CNTRL: variants seen among roughly 807,000 people sequenced by gnomAD.
CNTRL encodes the protein centriolin.
CNTRL carries 233 observed loss-of-function variants against 303.7 expected under a neutral mutation model. The ratio of observed to expected loss-of-function variants is 0.77; its 90% CI spans 0.69 to 0.86. The LOEUF (loss-of-function observed/expected upper bound fraction) is 0.86, where lower values mean the gene tolerates loss of function less well. Ranked by LOEUF, CNTRL falls within the 40% of genes least tolerant of loss-of-function variation. CNTRL has a pLI of 0.00. For synonymous variants in CNTRL, 900 were observed against 922.2 expected (o/e 0.98, Z 0.44); for missense variants, 2,524 against 2,650.6 (o/e 0.95, Z 1.05).
chr9:121,129,256 A>C (rs1490298842), intron 14 of CNTRL, among the ~76,000 whole-genome samples: 1 of 152,142 alleles, frequency 6.6e-6, no homozygotes, highest in Non-Finnish European at 1.5e-5. Flanking sequence ...CACGGTATTG[A>C]TTCTTCCTAC....
chr9:121,138,507 G>GT (rs747704464), intron 15 of CNTRL, 38 bp from the exon 16 acceptor site: 231 of 1,596,056 alleles, frequency 1.4e-4, no homozygotes, highest in Non-Finnish European at 1.6e-4. Flanking sequence ...AATTATTGCT[G>GT]TTTTACACTT....
intron 19 of CNTRL, 137 bp downstream of exon 19, chr9:121,142,407 A>C (rs944714053): frequency 9.8e-6 from 6 of 610,996 alleles, no homozygotes; most frequent in African/African-American, 1.9e-5. Context: ...AACCTGACCT[A>C]GGTGGGACCT....
chr9:121,133,818 A>AT (rs1286385707), intron 14 of CNTRL, among the ~76,000 whole-genome samples: 4 of 151,972 alleles, frequency 2.6e-5, no homozygotes, highest in Non-Finnish European at 4.4e-5. Context: ...TTTTATACAG[A>AT]TTTTTTTTCC....
intron 31 of CNTRL, among the ~76,000 whole-genome samples, 193 bp downstream of exon 31, chr9:121,159,212 G>T (rs1261272248): frequency 6.6e-6 from 1 of 151,924 alleles, no homozygotes; most frequent in East Asian, 1.9e-4. Context: ...TTGTTTTCTG[G>T]ATATGCTCAA....
chr9:121,156,188 GTTA>G (rs1429105973), intron 27 of CNTRL, among the ~76,000 whole-genome samples: 1 of 151,590 alleles, frequency 6.6e-6, no homozygotes, highest in Non-Finnish European at 1.5e-5. Context: ...GTATATTTTG[GTTA>G]TATATTAATA....
chr9:121,148,604 T>G (rs1037954703), intron 23 of CNTRL, 68 bp from the exon 24 acceptor site: 2 of 1,435,174 alleles, frequency 1.4e-6, no homozygotes, highest in Middle Eastern at 1.9e-4. Flanking sequence ...TGCTGTAGAC[T>G]TTGACGTTTC....
chr9:121,075,201 T>C (rs2047866371), intron 1 of CNTRL, 134 bp downstream of exon 1: 1 of 333,398 alleles, frequency 3.0e-6, no homozygotes, highest in African/African-American at 2.3e-5. Flanking sequence ...GGGGCGCGTG[T>C]CTGGGAATTG....
In CNTRL at chr9:121,175,018, G is replaced by A. The variant is rs1317469000; in HGVS notation, c.6748G>A (p.Ala2250Thr). 1 of 1,613,374 alleles carries A rather than the reference G, an allele frequency of 6.2e-7. No individual in the cohort carries two copies. The highest frequency in any genetic ancestry group is 1.1e-5 in the South Asian group (1 of 90,998). The change falls in exon 43 of 44, where the codon GCC becomes ACC. Residue 2250 changes from alanine (A) to threonine (T), a missense_variant and splice_region_variant. Transcript: ENST00000373855. Reference sequence around the variant, plus strand: ...CCCTAAGTCTTATCACACTTTTCAGGCCCAACTCCGACACTGTATGTCCAA... The same window carrying A: ...CCCTAAGTCTTATCACACTTTTCAGACCCAACTCCGACACTGTATGTCCAA... ...KLRHREDRLK[A>T]QLRHCMSKQA...
chr9:121,075,480 G>A (rs961484119), intron 1 of CNTRL, among the ~76,000 whole-genome samples: 6 of 152,308 alleles, frequency 3.9e-5, no homozygotes, highest in Non-Finnish European at 8.8e-5. Context: ...TCACGGTATC[G>A]GACGGAGTAC....
At chr9:121,160,670 A>G (rs1588306367) in intron 32 of CNTRL, among the ~76,000 whole-genome samples, 1 of 152,312 alleles carries the variant, frequency 6.6e-6, no homozygotes, top group East Asian at 1.9e-4. Flanking sequence ...CATCGCAGCA[A>G]TATTTATAAT....
rs1434197486 is a variant in CNTRL, at chr9:121,118,272, A to C, written c.1456-74A>C. 6 of 1,190,750 alleles carry C rather than the reference A, an allele frequency of 5.0e-6. No individual in the cohort carries two copies. The East Asian group carries it at 1.5e-4, about 30-fold the overall frequency. The allele number at this position is 1,190,750 out of a possible 1,614,324, so 73.8% of individuals were successfully genotyped here. On this transcript the variant is annotated intron_variant, in intron 11 of 43. Coordinates refer to ENST00000373855, the MANE Select transcript of CNTRL (RefSeq NM_007018.6). Reference sequence around the variant, plus strand: ...TGATAGAATATAGAATACTTATTAAAATTATAGACATTGTCTTAATAAATC... The same window carrying C: ...TGATAGAATATAGAATACTTATTAACATTATAGACATTGTCTTAATAAATC...
intron 15 of CNTRL, 38 bp from the exon 16 acceptor site, chr9:121,138,507 G>T (rs1564257895): frequency 1.9e-6 from 3 of 1,596,176 alleles, no homozygotes; most frequent in Non-Finnish European, 2.6e-6. Context: ...AATTATTGCT[G>T]TTTTACACTT....
chr9:121,094,976 T>A lies in CNTRL; in HGVS notation c.437T>A (p.Leu146Gln). ...GGGAAGATTGAAAAGTTGGACAAGCTGTTAAAATTACGTGAACTCAACTTA... is the reference window on the plus strand; with the variant it reads ...GGGAAGATTGAAAAGTTGGACAAGCAGTTAAAATTACGTGAACTCAACTTA... ...LIGKIEKLDKLLKLRELNLSY... is the reference protein window; with the variant it reads ...LIGKIEKLDKQLKLRELNLSY... Residue 146 changes from leucine (L) to glutamine (Q), a missense_variant, in exon 5 of 44, where the codon CTG becomes CAG. Coordinates refer to ENST00000373855, the MANE Select transcript of CNTRL (RefSeq NM_007018.6). 1 of 1,608,326 alleles carries A rather than the reference T, an allele frequency of 6.2e-7. No homozygotes were observed. The highest frequency in any genetic ancestry group is 8.5e-7 in the Non-Finnish European group (1 of 1,176,898).
chr9:121,156,460 A>T (rs959643557), intron 27 of CNTRL, among the ~76,000 whole-genome samples: 2 of 152,238 alleles, frequency 1.3e-5, no homozygotes, highest in African/African-American at 4.8e-5. Flanking sequence ...AGCCAGTTTT[A>T]TCCAGTGCTT....
intron 4 of CNTRL, among the ~76,000 whole-genome samples, chr9:121,093,493 A>C (rs977955205): frequency 6.6e-6 from 1 of 152,212 alleles, no homozygotes; most frequent in African/African-American, 2.4e-5. Context: ...GAAACTCTTT[A>C]GGTCCCAAGC....
rs747035687 is a variant in CNTRL, at chr9:121,135,808, G to C, written c.2028G>C (p.Glu676Asp). 3 of 1,608,930 alleles carry C rather than the reference G, an allele frequency of 1.9e-6. No individual in the cohort carries two copies. Among genetic ancestry groups the C allele is most frequent in the Admixed American group, 3.4e-5 (2 of 59,120 alleles). The change falls in exon 15 of 44, where the codon GAG becomes GAC. Residue 676 changes from glutamate (E) to aspartate (D), a missense_variant and splice_region_variant. By Grantham distance (45) the Glu-to-Asp change is conservative. Transcript: ENST00000373855. Reference sequence around the variant, plus strand: ...TTAAACCCACTGAATCTTTCTAGGAGCTTGCAGAGCTAGAAAGTGCCCTCC... The same window carrying C: ...TTAAACCCACTGAATCTTTCTAGGACCTTGCAGAGCTAGAAAGTGCCCTCC... ...VAMDAENMRK[E>D]LAELESALQE...
At chr9:121,114,581 G>A (rs2133188984) in intron 10 of CNTRL, among the ~76,000 whole-genome samples, 1 of 152,306 alleles carries the variant, frequency 6.6e-6, no homozygotes, top group South Asian at 2.1e-4. Context: ...TAGTTTTATA[G>A]GACAGAGGGA....
chr9:121,084,190 C>T (rs1564186138), intron 2 of CNTRL, among the ~76,000 whole-genome samples: 1 of 152,084 alleles, frequency 6.6e-6, no homozygotes, highest in Non-Finnish European at 1.5e-5. Flanking sequence ...TGCTCGAGAT[C>T]TATACATCTT....
rs750048325 is a variant in CNTRL, at chr9:121,167,592, AAGAAG to A, written c.5762_5766del (p.Glu1921GlyfsTer13). The A allele has an allele frequency of 2.5e-6, 4 of 1,614,220 alleles. No individual in the cohort carries two copies. Among genetic ancestry groups the A allele is most frequent in the South Asian group, 2.2e-5 (2 of 91,090 alleles). On this transcript the variant is annotated frameshift_variant, in exon 37 of 44. Transcript: ENST00000373855. LOFTEE classifies it high-confidence loss of function. Reference sequence around the variant, plus strand: ...GCAAATAGGTTTGAAGACTGTCAGAAAGAAGAGGAGACAAAACAACAACAACTTCA... The same window carrying A: ...GCAAATAGGTTTGAAGACTGTCAGAAAGGAGACAAAACAACAACAACTTCA...
Sources: allele counts gnomAD v4.1 joint callset (sites outside exome capture counted in the v4.1 genomes callset), GRCh38; gene constraint gnomAD v4.1.1; transcripts MANE v1.5; gene names NCBI Gene and HGNC (gene_info 2026-07-23, HGNC 2026-07-21).